Variants in TTC29 observed in about 807,000 individuals in gnomAD.
TTC29 encodes tetratricopeptide repeat protein 29.
TTC29 carries 49 observed loss-of-function variants against 58.1 expected under a neutral mutation model. The observed-to-expected ratio is 0.84, with a 90% CI of 0.67 to 1.07. The LOEUF is 1.07. Ranked by LOEUF, TTC29 falls within the 50% of genes least tolerant of loss-of-function variation. The pLI is 0.00. For missense variants in TTC29, 582 were observed against 555.6 expected, an observed-to-expected ratio of 1.05 and a Z score of -0.48; for synonymous variants, 209 against 196.8, an observed-to-expected ratio of 1.06 and a Z score of -0.52.
Position 146,707,023 on chromosome 4 carries a change from A to G in TTC29, c.*135T>C. The G allele has an allele frequency of 1.8e-6, 1 of 548,054 alleles. No homozygotes were observed. The highest frequency in any genetic ancestry group is 2.9e-6 in the Non-Finnish European group (1 of 345,814). The allele number at this position is 548,054 out of a possible 1,614,324, so 33.9% of individuals were successfully genotyped here. A position where few individuals can be genotyped will look rare whatever the true frequency, so the allele number is the denominator to read the frequency against. On this transcript the variant is annotated 3_prime_UTR_variant, in exon 13 of 13. Coordinates refer to ENST00000325106, the MANE Select transcript of TTC29 (RefSeq NM_031956.4). The stretch of plus-strand genomic sequence containing the variant: ...AATTTATAGTAACACACTGAAATGC[A>G]AAATCCAATGAAAAGAGTCATAGTC...
At chr4:146,942,745 A>C in intron 2 of TTC29, 1 of 828,238 alleles carries the variant, frequency 1.2e-6, no homozygotes, top group Non-Finnish European at 1.8e-6. Context: ...GGGGCATTCC[A>C]TCCTCTATAA....
chr4:146,771,468 T>A (rs1212656638), intron 11 of TTC29, among the ~76,000 whole-genome samples: 1 of 152,084 alleles, frequency 6.6e-6, no homozygotes, highest in Non-Finnish European at 1.5e-5. Flanking sequence ...TGTTCCTGTG[T>A]ACTCAATGTT....
chr4:146,807,454 G>A (rs1012606021), intron 10 of TTC29, among the ~76,000 whole-genome samples: 1 of 152,096 alleles, frequency 6.6e-6, no homozygotes, highest in Non-Finnish European at 1.5e-5. Context: ...TCCAGGAGCT[G>A]GTTTTTTGAA....
At chr4:146,891,110 G>C (rs1457702915) in intron 6 of TTC29, among the ~76,000 whole-genome samples, 1 of 152,162 alleles carries the variant, frequency 6.6e-6, no homozygotes, top group African/African-American at 2.4e-5. Flanking sequence ...CTTCCAGGTA[G>C]ATGAGTAGAG....
chr4:146,713,101 G>A (rs868177623), intron 11 of TTC29, among the ~76,000 whole-genome samples: 1 of 115,406 alleles, frequency 8.7e-6, no homozygotes. Flanking sequence ...GAGAAGGTGG[G>A]AGAATTGATC....
Position 146,864,408 on chromosome 4 carries a change from T to TA in TTC29, c.885+3089dup, listed in dbSNP as rs1730436637. ...GTCCAGAGACTTAGATTAGAAAAAA[T>TA]AAAAAAATAATAATTATTGAAGGTT... On this transcript the variant is annotated intron_variant, in intron 8 of 12. Transcript: ENST00000325106. 3.3e-5 allele frequency among the ~76,000 whole-genome samples: 5 copies of TA among 152,080 alleles called. No individual in the cohort carries two copies. The South Asian group carries it at 1.0e-3, about 32-fold the overall frequency.
chr4:146,899,056 CCTA>C (rs1561233365), intron 6 of TTC29, among the ~76,000 whole-genome samples: 1 of 152,134 alleles, frequency 6.6e-6, no homozygotes, highest in Non-Finnish European at 1.5e-5. Context: ...TGTGGTAAAC[CCTA>C]CTGCTAGTTT....
chr4:146,756,940 A>G (rs1439683621), intron 11 of TTC29, among the ~76,000 whole-genome samples: 1 of 151,914 alleles, frequency 6.6e-6, no homozygotes, highest in Admixed American at 6.6e-5. Flanking sequence ...CACTTCTTGT[A>G]TTATTTTTTG....
chr4:146,744,837 T>G (rs1745422887), intron 11 of TTC29, among the ~76,000 whole-genome samples: 1 of 152,208 alleles, frequency 6.6e-6, no homozygotes, highest in African/African-American at 2.4e-5. Context: ...CAAGTCATGT[T>G]TGATGAATGA....
intron 11 of TTC29, among the ~76,000 whole-genome samples, chr4:146,800,226 A>G (rs1284396500): frequency 6.6e-6 from 1 of 151,720 alleles, no homozygotes; most frequent in African/African-American, 2.4e-5. Context: ...TATAAAGATG[A>G]GAGATGATTG....
At chr4:146,927,948 C>G (rs1580000897) in intron 4 of TTC29, among the ~76,000 whole-genome samples, 1 of 152,254 alleles carries the variant, frequency 6.6e-6, no homozygotes, top group Middle Eastern at 3.4e-3. Context: ...GCAATGGCCT[C>G]AGCTCTCTTG....
At chr4:146,783,352 T>TTA (rs1561120992) in intron 11 of TTC29, among the ~76,000 whole-genome samples, 3 of 151,824 alleles carry the variant, frequency 2.0e-5, no homozygotes, top group African/African-American at 7.3e-5. Context: ...TTTTTTTTTT[T>TTA]ATGAATGAAA....
chr4:146,851,579 T>C (rs1481119987), intron 8 of TTC29, among the ~76,000 whole-genome samples: 1 of 152,178 alleles, frequency 6.6e-6, no homozygotes, highest in Non-Finnish European at 1.5e-5. Flanking sequence ...ATTTACTGAG[T>C]TGCTAGTAGA....
intron 11 of TTC29, among the ~76,000 whole-genome samples, chr4:146,721,912 C>A (rs927786131): frequency 6.6e-6 from 1 of 152,078 alleles, no homozygotes; most frequent in African/African-American, 2.4e-5. Flanking sequence ...CTAGAAAACC[C>A]TAAAGACTCT....
intron 11 of TTC29, among the ~76,000 whole-genome samples, chr4:146,718,789 C>G (rs140096530): frequency 1.3e-5 from 2 of 152,112 alleles, no homozygotes; most frequent in Non-Finnish European, 1.5e-5. Context: ...CCTAGACCAA[C>G]GACACATAGT....
At chr4:146,799,904 T>C (rs1038275808) in intron 11 of TTC29, among the ~76,000 whole-genome samples, 1 of 152,172 alleles carries the variant, frequency 6.6e-6, no homozygotes, top group Non-Finnish European at 1.5e-5. Context: ...GAATGAGCCT[T>C]TCATTTAAAA....
chr4:146,878,241 A>G (rs1731404714), intron 6 of TTC29, among the ~76,000 whole-genome samples: 1 of 152,170 alleles, frequency 6.6e-6, no homozygotes, highest in African/African-American at 2.4e-5. Context: ...TTTCAGGGCT[A>G]GTATCAATAT....
intron 11 of TTC29, among the ~76,000 whole-genome samples, chr4:146,711,667 T>C: frequency 6.6e-6 from 1 of 152,098 alleles, no homozygotes; most frequent in East Asian, 1.9e-4. Context: ...TTATTAACGA[T>C]GAGATGTTTT....
rs538724029 is a variant in TTC29 at position 146,789,794 on chromosome 4, A to T, written c.1330+13663T>A. ...ATATTTTTTACTGTAGATTTTAATT[A>T]AAAAAAAAAGCCCACTGCTTTACAA... On this transcript the variant is annotated intron_variant, in intron 11 of 12. Transcript: ENST00000325106. Among the ~76,000 whole-genome samples the T allele has an allele frequency of 9.3e-5, 10 of 107,048 alleles. No homozygotes were observed. In the South Asian group the frequency reaches 2.2e-3, roughly 23 times the overall value. The allele number at this position is 107,048 out of a possible 152,430, so 70.2% of individuals were successfully genotyped here.
Sources: gnomAD v4.1 joint callset for allele counts (sites outside exome capture counted in the v4.1 genomes callset) on GRCh38, gnomAD v4.1.1 for gene constraint, MANE v1.5 for transcripts, NCBI Gene and HGNC (gene_info 2026-07-23, HGNC 2026-07-21) for gene names.